The following FAM107B variants were observed in gnomAD, a reference collection of about 807,000 sequenced individuals.
FAM107B encodes the protein family with sequence similarity 107 member B.
A neutral mutation model predicts 31.5 loss-of-function variants in FAM107B; 21 were observed. The observed-to-expected ratio is 0.67, with a 90% CI of 0.47 to 0.96. The LOEUF (loss-of-function observed/expected upper bound fraction) is 0.96, where lower values mean the gene tolerates loss of function less well. FAM107B is among the 40% of genes least tolerant of loss of function. FAM107B has a pLI of 0.00. For synonymous variants in FAM107B, 157 were observed against 141.5 expected (o/e 1.11, Z -0.78); for missense variants, 452 against 377.1 (o/e 1.20, Z -1.64).
At chr10:14,603,933 A>G in intron 2 of FAM107B, among the ~76,000 whole-genome samples, 1 of 149,576 alleles carries the variant, frequency 6.7e-6, no homozygotes, top group Admixed American at 6.6e-5. Flanking sequence ...CCCCCGCGGC[A>G]GCGCCGAGAA....
At chr10:14,574,019 A>T (rs1371491034) in intron 2 of FAM107B, among the ~76,000 whole-genome samples, 1 of 152,094 alleles carries the variant, frequency 6.6e-6, no homozygotes, top group Non-Finnish European at 1.5e-5. Context: ...TCAACATGAA[A>T]TGCCACAAGA....
intron 2 of FAM107B, among the ~76,000 whole-genome samples, chr10:14,605,886 T>C (rs944440097): frequency 2.6e-5 from 4 of 152,178 alleles, no homozygotes; most frequent in African/African-American, 9.7e-5. Context: ...GCACAATTCC[T>C]GGCTATCTCC....
chr10:14,713,821 C>T (rs1855717721), intron 1 of FAM107B, among the ~76,000 whole-genome samples: 2 of 152,094 alleles, frequency 1.3e-5, no homozygotes, highest in Admixed American at 1.3e-4. Context: ...AAATGTGGTA[C>T]ATATACACCA....
chr10:14,672,243 C>A (rs1445433907), intron 1 of FAM107B, among the ~76,000 whole-genome samples: 1 of 152,066 alleles, frequency 6.6e-6, no homozygotes, highest in Non-Finnish European at 1.5e-5. Flanking sequence ...CACCTGCCAC[C>A]ATGCCCAGCT....
intron 1 of FAM107B, among the ~76,000 whole-genome samples, chr10:14,731,536 T>C (rs1416964110): frequency 7.2e-5 from 11 of 152,138 alleles, no homozygotes; most frequent in Admixed American, 2.0e-4. Flanking sequence ...CACTCCAGCC[T>C]GGGTGACAGA....
rs182824942 is a variant in FAM107B at position 14,711,934 on chromosome 10, G to A, written c.412-44243C>T. On this transcript the variant is annotated intron_variant, in intron 1 of 4. Transcript: ENST00000181796. Reference sequence around the variant, plus strand: ...GCTGGGATTACAGGTGTGCGCCACCGCGCCCGGCCTCAAGATGTATCCCTG... The same window carrying A: ...GCTGGGATTACAGGTGTGCGCCACCACGCCCGGCCTCAAGATGTATCCCTG... 2.7e-3 allele frequency among the ~76,000 whole-genome samples: 414 copies of A among 152,294 alleles called. 1 individual carries two copies. The highest frequency in any genetic ancestry group is 5.0e-3 in the Non-Finnish European group (338 of 68,022).
chr10:14,608,727 G>C (rs1852654824), intron 2 of FAM107B, among the ~76,000 whole-genome samples: 1 of 152,190 alleles, frequency 6.6e-6, no homozygotes, highest in African/African-American at 2.4e-5. Flanking sequence ...ATAGAAGTCT[G>C]TACATTCTAC....
intron 1 of FAM107B, among the ~76,000 whole-genome samples, chr10:14,751,332 G>A (rs1346270840): frequency 6.6e-6 from 1 of 152,152 alleles, no homozygotes; most frequent in Non-Finnish European, 1.5e-5. Context: ...GTCCTGCCAG[G>A]AGCTAAGTGT....
chr10:14,739,182 C>A (rs549117171), intron 1 of FAM107B, among the ~76,000 whole-genome samples: 1 of 152,184 alleles, frequency 6.6e-6, no homozygotes, highest in East Asian at 1.9e-4. Flanking sequence ...CATCCCATTA[C>A]GTAAAGTGAT....
intron 1 of FAM107B, among the ~76,000 whole-genome samples, chr10:14,733,789 A>G (rs543608577): frequency 1.3e-5 from 2 of 152,228 alleles, no homozygotes; most frequent in Admixed American, 1.3e-4. Context: ...CTCAAGTCCA[A>G]CTCTGTCTGA....
chr10:14,731,434 T>C (rs1213833502), intron 1 of FAM107B, among the ~76,000 whole-genome samples: 1 of 151,996 alleles, frequency 6.6e-6, no homozygotes, highest in Admixed American at 6.6e-5. Flanking sequence ...TGGTGGTGGG[T>C]GCCTGCGGTC....
intron 1 of FAM107B, among the ~76,000 whole-genome samples, chr10:14,686,754 A>G (rs563545328): frequency 6.6e-6 from 1 of 152,302 alleles, no homozygotes; most frequent in Non-Finnish European, 1.5e-5. Context: ...TGAACTTAAA[A>G]TATGGTCTGA....
At chr10:14,522,919 G>A (rs1036623186) in intron 3 of FAM107B, among the ~76,000 whole-genome samples, 3 of 152,048 alleles carry the variant, frequency 2.0e-5, no homozygotes, top group African/African-American at 4.8e-5. Flanking sequence ...CTCCTCCACC[G>A]AAACCCTTTC....
chr10:14,622,593 C>G (rs1198412768), intron 2 of FAM107B, among the ~76,000 whole-genome samples: 4 of 152,168 alleles, frequency 2.6e-5, no homozygotes, highest in Non-Finnish European at 5.9e-5. Flanking sequence ...GCATGAGATT[C>G]TTAAACCAGG....
At chr10:14,638,626 C>A (rs978162554) in intron 2 of FAM107B, among the ~76,000 whole-genome samples, 6 of 152,146 alleles carry the variant, frequency 3.9e-5, no homozygotes, top group Non-Finnish European at 7.4e-5. Context: ...GCCTGCCTTT[C>A]AGGGGATTAT....
At chr10:14,555,787 G>C (rs1005444391) in intron 2 of FAM107B, 23 of 152,274 alleles carry the variant, frequency 1.5e-4, no homozygotes, top group African/African-American at 5.5e-4. Context: ...CCTTCAGAAG[G>C]CAAGTTTACC....
chr10:14,752,216 T>C (rs1398901106), intron 1 of FAM107B, among the ~76,000 whole-genome samples: 4 of 152,166 alleles, frequency 2.6e-5, no homozygotes, highest in Non-Finnish European at 5.9e-5. Flanking sequence ...GCCTGGAAAG[T>C]GAAGCCTGGA....
At chr10:14,558,180 T>C (rs551028642) in intron 2 of FAM107B, among the ~76,000 whole-genome samples, 1 of 137,618 alleles carries the variant, frequency 7.3e-6, no homozygotes, top group Admixed American at 7.2e-5. Flanking sequence ...TCCCCACCAG[T>C]GTGTGTGTGC....
intron 1 of FAM107B, among the ~76,000 whole-genome samples, chr10:14,721,331 C>T (rs533025954): frequency 1.8e-4 from 28 of 152,242 alleles, no homozygotes; most frequent in African/African-American, 6.3e-4. Flanking sequence ...TTTATAGCAG[C>T]ATGATTTATA....
Sources: gnomAD v4.1 joint callset for allele counts (sites outside exome capture counted in the v4.1 genomes callset) on GRCh38, gnomAD v4.1.1 for gene constraint, MANE v1.5 for transcripts, NCBI Gene and HGNC (gene_info 2026-07-23, HGNC 2026-07-21) for gene names.